Variants in CFAP54 observed in about 807,000 individuals in gnomAD.
CFAP54 encodes the protein cilia- and flagella-associated protein 54.
CFAP54 carries 290 observed loss-of-function variants against 370.4 expected under a neutral mutation model. The observed-to-expected ratio is 0.78, with a 90% CI of 0.71 to 0.86. CFAP54 has a LOEUF of 0.86. Among genes scored for constraint, CFAP54 ranks in the 40% least tolerant of loss-of-function variants. The probability of loss-of-function intolerance (pLI) is 0.00; values close to 1 mark genes in which losing one functional copy is unlikely to be tolerated. For synonymous variants in CFAP54, 1,206 were observed against 1,236.5 expected (o/e 0.98, Z 0.52); for missense variants, 3,399 against 3,528.7 (o/e 0.96, Z 0.93).
At position 96,630,614 on chromosome 12, in the gene CFAP54, A is replaced by T. The variant is rs748306405; in HGVS notation, c.4279A>T (p.Lys1427Ter). 9 of 1,506,296 alleles carry T rather than the reference A, an allele frequency of 6.0e-6. No homozygotes were observed. The highest frequency in any genetic ancestry group is 7.9e-6 in the Non-Finnish European group (9 of 1,133,756). The allele number at this position is 1,506,296 out of a possible 1,614,324, so 93.3% of individuals were successfully genotyped here. A position where few individuals can be genotyped will look rare whatever the true frequency, so the allele number is the denominator to read the frequency against. ...KKETLRDFIFKNPAISEMVAH... is the reference protein window; with the variant it reads ...KKETLRDFIF ...GGAAACTCTAAGAGATTTCATTTTT[A>T]AAAATCCGGCTATTTCTGAAATGGT... is the stretch of plus-strand genomic sequence containing the variant. The change falls in exon 32 of 68, where the codon AAA (lysine) becomes TAA (stop). Residue 1427 changes from lysine to a stop codon, truncating the protein, a stop_gained. Coordinates refer to ENST00000524981, the MANE Select transcript of CFAP54 (RefSeq NM_001306084.2). LOFTEE classifies it high-confidence loss of function.
intron 4 of CFAP54, among the ~76,000 whole-genome samples, chr12:96,509,504 A>G (rs899878913): frequency 2.6e-5 from 4 of 152,164 alleles, no homozygotes; most frequent in Non-Finnish European, 4.4e-5. Flanking sequence ...TCAAATATTT[A>G]ACCAATCTTG....
At chr12:96,618,401 C>T (rs1255777561) in intron 26 of CFAP54, among the ~76,000 whole-genome samples, 1 of 152,136 alleles carries the variant, frequency 6.6e-6, no homozygotes, top group Non-Finnish European at 1.5e-5. Context: ...AGTGAGATCC[C>T]AGCACATGTG....
intron 55 of CFAP54, among the ~76,000 whole-genome samples, chr12:96,749,119 G>A (rs915290543): frequency 4.6e-5 from 7 of 152,246 alleles, no homozygotes; most frequent in South Asian, 4.2e-4. Context: ...TATAAACAGC[G>A]GAAACCTATT....
At chr12:96,635,462 C>T (rs1344019209) in intron 32 of CFAP54, among the ~76,000 whole-genome samples, 2 of 152,110 alleles carry the variant, frequency 1.3e-5, no homozygotes, top group African/African-American at 4.8e-5. Flanking sequence ...TGGTGTTTTC[C>T]AGCACCAACC....
intron 63 of CFAP54, among the ~76,000 whole-genome samples, chr12:96,799,599 T>A (rs1183660353): frequency 1.3e-5 from 2 of 152,214 alleles, no homozygotes; most frequent in African/African-American, 4.8e-5. Context: ...TGGTCAATTA[T>A]AATTCTCTTC....
chr12:96,668,318 C>G (rs1957104075), intron 39 of CFAP54, among the ~76,000 whole-genome samples: 1 of 152,152 alleles, frequency 6.6e-6, no homozygotes, highest in Non-Finnish European at 1.5e-5. Flanking sequence ...CTGTATTAGG[C>G]CATTCTCATG....
Position 96,742,429 on chromosome 12 carries a change from T to A in CFAP54, c.7072-10T>A. On this transcript the variant is annotated splice_polypyrimidine_tract_variant and intron_variant, in intron 51 of 67. Transcript: ENST00000524981. Reference sequence around the variant, plus strand: ...AATGGAAAGATAACCATCATTTTAATATTGTTTAGGTCACTGAAAATAAAG... The same window carrying A: ...AATGGAAAGATAACCATCATTTTAAAATTGTTTAGGTCACTGAAAATAAAG... 6.5e-7 allele frequency: 1 copy of A among 1,540,876 alleles called. No homozygotes were observed. Among genetic ancestry groups the A allele is most frequent in the African/African-American group, 1.4e-5 (1 of 72,824 alleles).
intron 49 of CFAP54, among the ~76,000 whole-genome samples, chr12:96,719,012 T>C (rs1477998667): frequency 6.6e-6 from 1 of 151,364 alleles, no homozygotes; most frequent in African/African-American, 2.4e-5. Context: ...CATTCTATTC[T>C]GGGCAAAAAG....
intron 39 of CFAP54, among the ~76,000 whole-genome samples, chr12:96,676,760 G>C (rs1957213779): frequency 6.6e-6 from 1 of 151,936 alleles, no homozygotes; most frequent in Admixed American, 6.6e-5. Flanking sequence ...CTCCTGACCT[G>C]AGGTGATCCA....
intron 26 of CFAP54, among the ~76,000 whole-genome samples, chr12:96,619,319 C>CCCAGATTT: frequency 6.6e-6 from 1 of 152,168 alleles, no homozygotes. Context: ...AACCCTGAAT[C>CCCAGATTT]CCAGATTTCA....
intron 33 of CFAP54, among the ~76,000 whole-genome samples, chr12:96,647,545 A>G (rs1956810311): frequency 6.7e-6 from 1 of 149,262 alleles, no homozygotes; most frequent in Non-Finnish European, 1.5e-5. Context: ...AAGCATTGTC[A>G]TTGAGTTCTG....
At chr12:96,732,784 G>A (rs1592731853) in intron 50 of CFAP54, among the ~76,000 whole-genome samples, 1 of 152,052 alleles carries the variant, frequency 6.6e-6, no homozygotes, top group Admixed American at 6.5e-5. Flanking sequence ...AATATGCTCA[G>A]TATAATAACA....
At chr12:96,757,031 A>G (rs1007153841) in intron 57 of CFAP54, among the ~76,000 whole-genome samples, 1 of 152,192 alleles carries the variant, frequency 6.6e-6, no homozygotes, top group East Asian at 1.9e-4. Flanking sequence ...CCCAGCTGAC[A>G]GATTTGATAG....
intron 17 of CFAP54, among the ~76,000 whole-genome samples, chr12:96,561,895 C>T (rs1312406902): frequency 6.7e-6 from 1 of 149,800 alleles, no homozygotes; most frequent in Non-Finnish European, 1.5e-5. Flanking sequence ...AAGCAATTCT[C>T]CTGTCTTAGT....
chr12:96,860,874 T>G lies in CFAP54; in HGVS notation c.9227T>G (p.Leu3076Arg). 2 of 1,534,508 alleles carry G rather than the reference T, an allele frequency of 1.3e-6. No individual in the cohort carries two copies. The highest frequency in any genetic ancestry group is 1.7e-6 in the Non-Finnish European group (2 of 1,145,828). Residue 3076 changes from leucine (L) to arginine (R), a missense_variant, in exon 67 of 68, where the codon CTG becomes CGG. Coordinates refer to ENST00000524981, the MANE Select transcript of CFAP54 (RefSeq NM_001306084.2). The stretch of plus-strand genomic sequence containing the variant: ...TTCAATCTTGAGAGACTTTTTGATC[T>G]GGCTAATGGTTGCATTTTATCAGGA... ...SIFNLERLFD[L>R]ANGCILSGGS...
intron 8 of CFAP54, among the ~76,000 whole-genome samples, chr12:96,526,976 C>A (rs190564361): frequency 6.8e-6 from 1 of 148,122 alleles, no homozygotes; most frequent in East Asian, 2.0e-4. Context: ...CTTGCTGCAG[C>A]CTCTACCTCC....
chr12:96,790,519 C>T (rs1958679656), intron 62 of CFAP54, among the ~76,000 whole-genome samples: 1 of 152,022 alleles, frequency 6.6e-6, no homozygotes, highest in South Asian at 2.1e-4. Flanking sequence ...ATAAACAATG[C>T]ACATATTGAA....
intron 29 of CFAP54, 89 bp from the exon 30 acceptor site, chr12:96,626,724 G>A (rs752532134): frequency 1.5e-6 from 1 of 675,182 alleles, no homozygotes; most frequent in Non-Finnish European, 2.1e-6. Flanking sequence ...CTTGCCTGTT[G>A]GAACAAAATG....
chr12:96,845,522 G>A (rs35420549), intron 66 of CFAP54, among the ~76,000 whole-genome samples: 54,764 of 151,996 alleles, frequency 0.36, 10,482 homozygotes, highest in East Asian at 0.43. Context: ...ACTGGTTGAT[G>A]TGGGAGTACA....
Sources: allele counts gnomAD v4.1 joint callset (sites outside exome capture counted in the v4.1 genomes callset), GRCh38; gene constraint gnomAD v4.1.1; transcripts MANE v1.5; gene names NCBI Gene and HGNC (gene_info 2026-07-23, HGNC 2026-07-21).